Variants in ANXA4 observed in about 807,000 individuals in gnomAD.
The protein encoded by ANXA4 is 35-beta calcimedin.
In ANXA4, 39 loss-of-function variants were observed where a neutral mutation model predicts 49.8. That is an observed-to-expected ratio of 0.78 (90% CI 0.61 to 1.02). The LOEUF (loss-of-function observed/expected upper bound fraction) is 1.02, where lower values mean the gene tolerates loss of function less well. Among genes scored for constraint, ANXA4 ranks in the 50% least tolerant of loss-of-function variants. The probability of loss-of-function intolerance (pLI) is 0.00; values close to 1 mark genes in which losing one functional copy is unlikely to be tolerated. For missense variants in ANXA4, 360 were observed against 410.1 expected (o/e 0.88, Z 1.05); for synonymous variants, 134 against 152.5 (o/e 0.88, Z 0.89).
rs774663657 is a variant in ANXA4, at chr2:69,818,568, C to G, written c.629-31C>G. On this transcript the variant is annotated intron_variant, in intron 9 of 12. Coordinates refer to ENST00000394295, the MANE Select transcript of ANXA4 (RefSeq NM_001153.5). ...ATTTTAGTTTCCTCTGTTTTTTCTT[C>G]CCAATAATACTATTTTGTTATTGTC... The G allele has an allele frequency of 6.9e-6, 10 of 1,443,868 alleles. No individual in the cohort carries two copies. The African/African-American group carries it at 1.4e-4, about 21-fold the overall frequency. 89.4% of individuals were successfully genotyped at this position (1,443,868 alleles called of 1,614,324 possible).
intron 1 of ANXA4, among the ~76,000 whole-genome samples, chr2:69,778,231 A>G (rs1573238385): frequency 6.6e-6 from 1 of 152,248 alleles, no homozygotes; most frequent in African/African-American, 2.4e-5. Context: ...GAAATCAGAA[A>G]TTATCTTATT....
chr2:69,807,765 A>T, intron 5 of ANXA4, 141 bp from the exon 6 acceptor site: 1 of 677,100 alleles, frequency 1.5e-6, no homozygotes, highest in Non-Finnish European at 2.5e-6. Flanking sequence ...GTGGGACAAT[A>T]AAAGTGAACA....
chr2:69,767,996 T>C (rs971008151), intron 1 of ANXA4, among the ~76,000 whole-genome samples: 1 of 152,032 alleles, frequency 6.6e-6, no homozygotes, highest in African/African-American at 2.4e-5. Context: ...ATAATATTCA[T>C]ATAATTATAC....
intron 1 of ANXA4, among the ~76,000 whole-genome samples, chr2:69,755,400 A>T (rs1671004384): frequency 6.6e-6 from 1 of 152,230 alleles, no homozygotes; most frequent in Admixed American, 6.5e-5. Context: ...CTGGCAGATC[A>T]CTTGAGGTCA....
chr2:69,668,539 T>G (rs1430546140), intron 2 of ANXA4, among the ~76,000 whole-genome samples: 1 of 152,234 alleles, frequency 6.6e-6, no homozygotes, highest in African/African-American at 2.4e-5. Context: ...TCTCTACATT[T>G]GTGTATAGGT....
At chr2:69,707,090 G>C (rs1678522776) in intron 2 of ANXA4, among the ~76,000 whole-genome samples, 1 of 152,152 alleles carries the variant, frequency 6.6e-6, no homozygotes, top group Non-Finnish European at 1.5e-5. Context: ...CTATATGTGA[G>C]CTTAGCCTAT....
At chr2:69,653,853 G>A (rs184869118) in intron 2 of ANXA4, among the ~76,000 whole-genome samples, 1 of 152,054 alleles carries the variant, frequency 6.6e-6, no homozygotes, top group East Asian at 1.9e-4. Context: ...GGATAACATT[G>A]GATCTATACA....
chr2:69,725,520 T>C (rs1164747449), intron 3 of ANXA4, among the ~76,000 whole-genome samples: 1 of 152,096 alleles, frequency 6.6e-6, no homozygotes, highest in African/African-American at 2.4e-5. Flanking sequence ...AAAGTGTGCC[T>C]TAAGTGTACG....
chr2:69,643,844 C>G (rs1047344119), upstream of ANXA4: 3 of 1,180,466 alleles, frequency 2.5e-6, no homozygotes, highest in Admixed American at 1.4e-4. Context: ...GGCGAGGGAC[C>G]GGGGCCTCTC....
intron 1 of ANXA4, among the ~76,000 whole-genome samples, chr2:69,766,861 G>A (rs1196873239): frequency 6.6e-6 from 1 of 152,156 alleles, no homozygotes; most frequent in Non-Finnish European, 1.5e-5. Context: ...GGAGGGGTGG[G>A]TCTGATGCGC....
At chr2:69,762,994 G>T (rs993367730) in intron 1 of ANXA4, among the ~76,000 whole-genome samples, 41 of 152,124 alleles carry the variant, frequency 2.7e-4, no homozygotes, top group Admixed American at 8.5e-4. Flanking sequence ...TTTCCATTGT[G>T]TCATGAGTTT....
intron 1 of ANXA4, among the ~76,000 whole-genome samples, chr2:69,748,075 G>C (rs1450219081): frequency 6.6e-6 from 1 of 152,008 alleles, no homozygotes; most frequent in Non-Finnish European, 1.5e-5. Flanking sequence ...CACAAAAGGA[G>C]ATAATTAGAG....
chr2:69,819,135 T>C (rs1230694885), intron 10 of ANXA4, 145 bp from the exon 11 acceptor site: 3 of 594,254 alleles, frequency 5.0e-6, no homozygotes, highest in African/African-American at 1.9e-5. Flanking sequence ...GCATCGCCTA[T>C]GTTCATGAAA....
intron 1 of ANXA4, among the ~76,000 whole-genome samples, chr2:69,757,238 T>TTTTATATATATATA (rs1267602375): frequency 6.8e-5 from 4 of 59,064 alleles, no homozygotes; most frequent in African/African-American, 1.3e-4. Context: ...CATTTTTGTT[T>TTTTATATATATATA]TATATATATA....
chr2:69,656,393 A>G (rs1176475038), intron 2 of ANXA4, among the ~76,000 whole-genome samples: 3 of 87,196 alleles, frequency 3.4e-5, no homozygotes, highest in Admixed American at 1.6e-4. Flanking sequence ...ATATATGTGT[A>G]TATATATGTA....
chr2:69,811,800 T>C (rs1401366526), intron 7 of ANXA4, among the ~76,000 whole-genome samples: 1 of 152,232 alleles, frequency 6.6e-6, no homozygotes, highest in African/African-American at 2.4e-5. Flanking sequence ...ATTTCCACTT[T>C]GCTCTTGTCT....
At chr2:69,650,534 G>C (rs1426999860) in intron 1 of ANXA4, among the ~76,000 whole-genome samples, 1 of 151,780 alleles carries the variant, frequency 6.6e-6, no homozygotes, top group African/African-American at 2.4e-5. Context: ...GGAGTGCAGT[G>C]GCATGATCAT....
chr2:69,807,203 T>C (rs1360320407), intron 5 of ANXA4, among the ~76,000 whole-genome samples: 4 of 152,160 alleles, frequency 2.6e-5, no homozygotes, highest in African/African-American at 9.7e-5. Context: ...TGATTATAAT[T>C]GTCGCTTTTA....
chr2:69,701,456 A>G (rs868261539), intron 2 of ANXA4, among the ~76,000 whole-genome samples: 2 of 152,268 alleles, frequency 1.3e-5, no homozygotes, highest in Middle Eastern at 6.8e-3. Context: ...TAAAAGCGGA[A>G]TCATTTGTCT....
Sources: allele counts gnomAD v4.1 joint callset (sites outside exome capture counted in the v4.1 genomes callset), GRCh38; gene constraint gnomAD v4.1.1; transcripts MANE v1.5; gene names NCBI Gene and HGNC (gene_info 2026-07-23, HGNC 2026-07-21).